Variants in GABRG3 observed in about 807,000 individuals in gnomAD.
The protein encoded by GABRG3 is gamma-aminobutyric acid receptor subunit gamma-3.
A neutral mutation model predicts 48.8 loss-of-function variants in GABRG3; 25 were observed. That is an observed-to-expected ratio of 0.51 (90% confidence interval 0.37 to 0.72). The LOEUF is 0.72. GABRG3 is among the 30% of genes least tolerant of loss of function. The probability of loss-of-function intolerance (pLI) is 0.00; values close to 1 mark genes in which losing one functional copy is unlikely to be tolerated. For synonymous variants in GABRG3, 227 were observed against 217.6 expected (o/e 1.04, Z -0.38); for missense variants, 394 against 577.9 (o/e 0.68, Z 3.26).
intron 3 of GABRG3, among the ~76,000 whole-genome samples, chr15:27,245,095 A>T (rs1190130916): frequency 6.6e-6 from 1 of 152,062 alleles, no homozygotes; most frequent in Non-Finnish European, 1.5e-5. Context: ...TCATACAGGG[A>T]TGCATTGCTT....
chr15:27,300,052 T>A (rs1173300176), intron 3 of GABRG3, among the ~76,000 whole-genome samples: 1 of 152,166 alleles, frequency 6.6e-6, no homozygotes, highest in East Asian at 1.9e-4. Context: ...ACATGTGGAA[T>A]AAATCTGAGG....
chr15:27,440,667 G>A (rs1037329933), intron 5 of GABRG3, among the ~76,000 whole-genome samples: 13 of 152,146 alleles, frequency 8.5e-5, no homozygotes, highest in Admixed American at 2.6e-4. Flanking sequence ...GTATCACACC[G>A]ATGAGGTCTG....
At chr15:27,217,861 C>T (rs1206854734) in intron 3 of GABRG3, among the ~76,000 whole-genome samples, 2 of 152,182 alleles carry the variant, frequency 1.3e-5, no homozygotes, top group Non-Finnish European at 2.9e-5. Flanking sequence ...TGCCTTCTTC[C>T]CAGCGGGACG....
chr15:27,343,674 G>A (rs1894267037), intron 5 of GABRG3, among the ~76,000 whole-genome samples: 1 of 152,164 alleles, frequency 6.6e-6, no homozygotes, highest in East Asian at 1.9e-4. Flanking sequence ...TAACTAAGTG[G>A]GTGGTTAGCT....
At chr15:27,308,235 T>G (rs950760315) in intron 3 of GABRG3, among the ~76,000 whole-genome samples, 3 of 131,224 alleles carry the variant, frequency 2.3e-5, no homozygotes, top group African/African-American at 9.5e-5. Context: ...TGTTTATATA[T>G]CCAAACATAT....
At chr15:27,277,955 G>A (rs1016018909) in intron 3 of GABRG3, among the ~76,000 whole-genome samples, 1 of 152,032 alleles carries the variant, frequency 6.6e-6, no homozygotes, top group South Asian at 2.1e-4. Flanking sequence ...AGTAACAATA[G>A]CCAAACCAGA....
chr15:27,491,471 A>G (rs1235891858), intron 6 of GABRG3, among the ~76,000 whole-genome samples: 1 of 152,178 alleles, frequency 6.6e-6, no homozygotes, highest in Non-Finnish European at 1.5e-5. Flanking sequence ...TTCCTTGAGT[A>G]TCACCTCATG....
intron 2 of GABRG3, among the ~76,000 whole-genome samples, chr15:26,982,427 C>G (rs1895073043): frequency 6.6e-6 from 1 of 152,162 alleles, no homozygotes; most frequent in South Asian, 2.1e-4. Flanking sequence ...AGTGGGTGAG[C>G]TTGGCTTCCA....
chr15:27,152,064 C>T (rs1898326755), intron 3 of GABRG3, among the ~76,000 whole-genome samples: 2 of 151,928 alleles, frequency 1.3e-5, no homozygotes, highest in Admixed American at 6.6e-5. Context: ...AGAAGTAGAC[C>T]TTTTTTTATA....
At chr15:27,451,094 C>T (rs760401630) in intron 5 of GABRG3, among the ~76,000 whole-genome samples, 1 of 152,032 alleles carries the variant, frequency 6.6e-6, no homozygotes, top group Non-Finnish European at 1.5e-5. Context: ...ATTGTCAAAA[C>T]GTTCATACTA....
At chr15:27,385,752 C>G (rs62001351) in intron 5 of GABRG3, among the ~76,000 whole-genome samples, 14,815 of 152,184 alleles carry the variant, frequency 0.097, 803 homozygotes, top group East Asian at 0.18. Context: ...TATTGACAGT[C>G]TCTATCTGGT....
At chr15:27,111,694 A>G (rs1019769000) in intron 3 of GABRG3, among the ~76,000 whole-genome samples, 1 of 152,140 alleles carries the variant, frequency 6.6e-6, no homozygotes, top group African/African-American at 2.4e-5. Flanking sequence ...ACCCGCTGCT[A>G]TAGTGGAGCT....
rs553126648 is a variant in GABRG3, at chr15:27,524,830, C to T, written c.866-2603C>T. Among the ~76,000 whole-genome samples, 7 of 152,012 alleles carry T rather than the reference C, an allele frequency of 4.6e-5. No individual in the cohort carries two copies. The South Asian group carries it at 1.2e-3, about 27-fold the overall frequency. The stretch of plus-strand genomic sequence containing the variant: ...TAAAGGAACAAACAAACAGGAAACA[C>T]AATATAAAATGGGATAGTTACATCT... On this transcript the variant is annotated intron_variant, in intron 7 of 9. Coordinates refer to ENST00000615808, the MANE Select transcript of GABRG3 (RefSeq NM_033223.5).
intron 3 of GABRG3, among the ~76,000 whole-genome samples, chr15:27,159,983 C>G (rs1898536934): frequency 6.6e-6 from 1 of 152,158 alleles, no homozygotes; most frequent in African/African-American, 2.4e-5. Flanking sequence ...GCCACAGACT[C>G]AGATTACCCT....
intron 3 of GABRG3, among the ~76,000 whole-genome samples, chr15:27,120,346 A>G (rs1030948787): frequency 5.9e-5 from 9 of 152,282 alleles, no homozygotes; most frequent in African/African-American, 2.2e-4. Flanking sequence ...TGCTTTTCAC[A>G]CATCTAGGTG....
chr15:27,043,485 G>T (rs1896311971), intron 3 of GABRG3, among the ~76,000 whole-genome samples: 1 of 152,164 alleles, frequency 6.6e-6, no homozygotes, highest in African/African-American at 2.4e-5. Flanking sequence ...CAGCTCACCT[G>T]AGCTGGTATC....
At position 26,971,443 on chromosome 15, in the gene GABRG3, A is replaced by G; in HGVS notation, c.-93A>G. ...GCGGCCAGCAGCCTCGGAGGAAGCC[A>G]GGGCAAAGAGGGCCGGCGGAGACCA... On this transcript the variant is annotated 5_prime_UTR_variant, in exon 1 of 10. Coordinates refer to ENST00000615808, the MANE Select transcript of GABRG3 (RefSeq NM_033223.5). 12 of 1,076,546 alleles carry G rather than the reference A, an allele frequency of 1.1e-5. No homozygotes were observed. The South Asian group carries it at 2.3e-4, about 21-fold the overall frequency. The allele number at this position is 1,076,546 out of a possible 1,614,324, so 66.7% of individuals were successfully genotyped here.
At chr15:27,009,437 A>G (rs1312012343) in intron 2 of GABRG3, among the ~76,000 whole-genome samples, 2 of 152,236 alleles carry the variant, frequency 1.3e-5, no homozygotes, top group Non-Finnish European at 2.9e-5. Flanking sequence ...TACATCCTAC[A>G]TATTTACATA....
intron 6 of GABRG3, chr15:27,483,357 C>A (rs1021009456): frequency 3.3e-5 from 5 of 152,068 alleles, no homozygotes; most frequent in African/African-American, 1.2e-4. Context: ...GGTGTTGATC[C>A]CTGTATCTGC....
Sources: allele counts gnomAD v4.1 joint callset (sites outside exome capture counted in the v4.1 genomes callset), GRCh38; gene constraint gnomAD v4.1.1; transcripts MANE v1.5; gene names NCBI Gene and HGNC (gene_info 2026-07-23, HGNC 2026-07-21).